ZFP36L1: variants seen among roughly 807,000 people sequenced by gnomAD.
ZFP36L1 encodes the protein mRNA decay activator protein ZFP36L1.
A neutral mutation model predicts 16.7 loss-of-function variants in ZFP36L1; 4 were observed. The observed-to-expected ratio is 0.24, with a 90% CI of 0.12 to 0.55. The LOEUF (loss-of-function observed/expected upper bound fraction) is 0.55. Ranked by LOEUF, ZFP36L1 falls within the 20% of genes least tolerant of loss-of-function variation. ZFP36L1 has a pLI of 0.94. For missense variants in ZFP36L1, 311 were observed against 449.2 expected, an observed-to-expected ratio of 0.69 and a Z score of 2.78; for synonymous variants, 220 against 190.8, an observed-to-expected ratio of 1.15 and a Z score of -1.26.
At chr14:68,792,001 T>A (rs1162761860) in intron 1 of ZFP36L1, among the ~76,000 whole-genome samples, 1 of 152,078 alleles carries the variant, frequency 6.6e-6, no homozygotes, top group African/African-American at 2.4e-5. Context: ...AGGGGGAGGT[T>A]GGAAAGAAAT....
In ZFP36L1 at chr14:68,791,280, T is replaced by G. The variant is rs573312032; in HGVS notation, c.58-788A>C. The G allele has an allele frequency of 3.5e-5, 19 of 544,854 alleles. No individual in the cohort carries two copies. In the East Asian group the frequency reaches 5.8e-4, roughly 17 times the overall value. The allele number at this position is 544,854 out of a possible 1,614,324, so 33.8% of individuals were successfully genotyped here. A position where few individuals can be genotyped will look rare whatever the true frequency, so the allele number is the denominator to read the frequency against. ...TGCAAGAGCAAGCTTGGATAAGAGC[T>G]CCAGTGTTTAATCTTTAACGCAAAG... On this transcript the variant is annotated intron_variant, in intron 1 of 1. Transcript: ENST00000439696.
upstream of ZFP36L1, chr14:68,796,106 G>A (rs759808327): frequency 2.2e-6 from 3 of 1,362,906 alleles, no homozygotes; most frequent in South Asian, 3.4e-5. Context: ...GGAGGCGGTG[G>A]GCCGGCTCCT....
At chr14:68,792,724 C>A (rs1895129508) in intron 1 of ZFP36L1, among the ~76,000 whole-genome samples, 158 bp downstream of exon 1, 1 of 152,170 alleles carries the variant, frequency 6.6e-6, no homozygotes, top group African/African-American at 2.4e-5. Context: ...AAGGACGGGG[C>A]CAAATTCCTT....
chr14:68,795,877 G>T, upstream of ZFP36L1: 2 of 651,002 alleles, frequency 3.1e-6, no homozygotes, highest in Non-Finnish European at 5.4e-6. Context: ...CGTCCCCGCC[G>T]CGGTGAGGGC....
At chr14:68,791,037 A>G (rs892980073) in intron 1 of ZFP36L1, 2 of 702,184 alleles carry the variant, frequency 2.8e-6, no homozygotes, top group Non-Finnish European at 5.2e-6. Flanking sequence ...CTTTGGCAAC[A>G]GGTTTTCAGA....
Position 68,792,900 on chromosome 14 carries a change from C to T in ZFP36L1, c.39G>A (p.Leu13=), listed in dbSNP as rs1254870259. ...CCTTTACCTTGCATAAAACTTCGCT[C>T]AAGTCGAAGATGGTGGCAGACACGA... The part of the protein sequence containing the change: ...TTLVSATIFD[L]SEVLCKGNKM... The change falls in exon 1 of 2, where the codon TTG becomes TTA. Residue 13 remains leucine (L), a synonymous_variant. Transcript: ENST00000439696. The T allele has an allele frequency of 1.2e-6, 2 of 1,614,086 alleles. No homozygotes were observed. The highest frequency in any genetic ancestry group is 2.2e-5 in the East Asian group (1 of 44,868).
chr14:68,792,192 CA>C (rs1211838522), intron 1 of ZFP36L1, among the ~76,000 whole-genome samples: 7 of 151,780 alleles, frequency 4.6e-5, no homozygotes, highest in African/African-American at 1.7e-4. Context: ...CCTCCCCCCC[CA>C]ACCCCGCCCG....
upstream of ZFP36L1, chr14:68,796,024 C>A: frequency 7.5e-7 from 1 of 1,325,180 alleles, no homozygotes; most frequent in Non-Finnish European, 1.0e-6. Context: ...GCGGTGCATT[C>A]CGCCCTCCCG....
chr14:68,793,317 C>T, upstream of ZFP36L1: 1 of 918,714 alleles, frequency 1.1e-6, no homozygotes, highest in South Asian at 4.5e-5. Context: ...CCGCGCACAA[C>T]TTTTTTTTTT....
rs1392960726 is a variant in ZFP36L1, at chr14:68,789,632, C to G, written c.918G>C (p.Leu306=). 1.9e-6 allele frequency: 3 copies of G among 1,613,470 alleles called. No homozygotes were observed. Among genetic ancestry groups the G allele is most frequent in the Non-Finnish European group, 1.7e-6 (2 of 1,179,634 alleles). The change falls in exon 2 of 2, where the codon CTG becomes CTC. Residue 306 remains leucine (L), a synonymous_variant. Transcript: ENST00000439696. This position sits in a 1 kb window ranked among gnomAD's most constrained non-coding sequence, Gnocchi z 4.5. ...QDSLSDQEGY[L]SSSSSSHSGS... is the part of the protein sequence containing the mutation. ...CACTGTGGCTGCTGCTGGAGCTGCTCAGGTAGCCCTCCTGGTCCGAGAGAG... is the reference window on the plus strand; with the variant it reads ...CACTGTGGCTGCTGCTGGAGCTGCTGAGGTAGCCCTCCTGGTCCGAGAGAG...
rs765865743 is a variant in ZFP36L1, at chr14:68,789,724, T to C, written c.826A>G (p.Thr276Ala). The C allele has an allele frequency of 1.1e-4, 175 of 1,613,024 alleles. No homozygotes were observed. Among genetic ancestry groups the C allele is most frequent in the Admixed American group, 2.2e-4 (13 of 59,946 alleles). ...TCGGACATGGGCCGGAAGAGGAAGGTGGTCGGGGAGCCACCCCCGGGCAGC... is the reference window on the plus strand; with the variant it reads ...TCGGACATGGGCCGGAAGAGGAAGGCGGTCGGGGAGCCACCCCCGGGCAGC... Reference protein sequence around the residue: ...MGLPGGGSPTTFLFRPMSESP... With the variant: ...MGLPGGGSPTAFLFRPMSESP... Residue 276 changes from threonine (T) to alanine (A), a missense_variant, in exon 2 of 2, where the codon ACC (threonine) becomes GCC (alanine). By Grantham distance (58) the Thr-to-Ala change is moderately conservative. Transcript: ENST00000439696. The surrounding 1 kb of genome is among the most constrained non-coding windows in gnomAD (Gnocchi z 4.5).
chr14:68,792,694 G>T (rs1895127800), intron 1 of ZFP36L1, among the ~76,000 whole-genome samples, 188 bp downstream of exon 1: 1 of 152,248 alleles, frequency 6.6e-6, no homozygotes, highest in African/African-American at 2.4e-5. Context: ...GCCAGCAACT[G>T]TTGAAACTCA....
upstream of ZFP36L1, chr14:68,795,690 C>T (rs563165356): frequency 2.1e-5 from 10 of 475,938 alleles, no homozygotes; most frequent in South Asian, 1.6e-4. Flanking sequence ...GCCTAGCCCG[C>T]TCGCTCCCGA....
upstream of ZFP36L1, chr14:68,795,801 G>C: frequency 3.7e-6 from 2 of 535,478 alleles, no homozygotes; most frequent in South Asian, 2.8e-5. Context: ...ACGTCATTTC[G>C]GGGACTTTCC....
chr14:68,791,388 G>A, intron 1 of ZFP36L1: 1 of 441,802 alleles, frequency 2.3e-6, no homozygotes, highest in Non-Finnish European at 4.0e-6. Context: ...TGGGGATGGG[G>A]GCAGAGCCAC....
At chr14:68,792,815 T>C (rs1895135216) in intron 1 of ZFP36L1, 67 bp downstream of exon 1, 1 of 1,595,830 alleles carries the variant, frequency 6.3e-7, no homozygotes, top group Non-Finnish European at 8.5e-7. Flanking sequence ...ACCCAAACTT[T>C]TGGGGGTTCT....
chr14:68,793,425 C>G (rs1895164765), upstream of ZFP36L1: 2 of 995,664 alleles, frequency 2.0e-6, no homozygotes, highest in Admixed American at 5.6e-5. Flanking sequence ...GCGGGAGGGG[C>G]GCGCCCCCTC....
At chr14:68,790,678 A>G (rs2140209912) in intron 1 of ZFP36L1, among the ~76,000 whole-genome samples, 186 bp from the exon 2 acceptor site, 1 of 152,120 alleles carries the variant, frequency 6.6e-6, no homozygotes, top group Admixed American at 6.5e-5. Flanking sequence ...TTTTGGCCCC[A>G]TGCGTAAGAA....
chr14:68,792,639 C>G (rs529386971), intron 1 of ZFP36L1, among the ~76,000 whole-genome samples: 1 of 152,250 alleles, frequency 6.6e-6, no homozygotes, highest in Admixed American at 6.5e-5. Context: ...GCCAGGCAAA[C>G]TTCGCCCCTC....
Sources: allele counts gnomAD v4.1 joint callset (sites outside exome capture counted in the v4.1 genomes callset), GRCh38; gene constraint gnomAD v4.1.1; non-coding constraint Gnocchi (gnomAD v3.1); transcripts MANE v1.5; gene names NCBI Gene and HGNC (gene_info 2026-07-23, HGNC 2026-07-21).